Variants in PREX2 observed in about 807,000 individuals in gnomAD.
PREX2 encodes phosphatidylinositol-3,4,5-trisphosphate dependent Rac exchange factor 2, also known as phosphatidylinositol 3,4,5-trisphosphate-dependent Rac exchanger 2 protein.
PREX2 carries 107 observed loss-of-function variants against 203.2 expected under a neutral mutation model. That is an observed-to-expected ratio of 0.53 (90% confidence interval 0.45 to 0.62). The LOEUF (loss-of-function observed/expected upper bound fraction) is 0.62. PREX2 is among the 20% of genes least tolerant of loss of function. The pLI, the probability that PREX2 is intolerant of heterozygous loss-of-function variation, is 0.00. For missense variants in PREX2, 1,777 were observed against 1,955.9 expected (o/e 0.91, Z 1.72); for synonymous variants, 672 against 663.6 (o/e 1.01, Z -0.19).
chr8:68,077,624 C>T (rs1377323992), intron 15 of PREX2, among the ~76,000 whole-genome samples, 155 bp downstream of exon 15: 1 of 152,146 alleles, frequency 6.6e-6, no homozygotes, highest in Non-Finnish European at 1.5e-5. Flanking sequence ...ACCACAACTG[C>T]ATTCAGTTTT....
At position 68,019,868 on chromosome 8, in the gene PREX2, A is replaced by G. The variant is rs73683289; in HGVS notation, c.336+197A>G. Among the ~76,000 whole-genome samples, 694 of 152,306 alleles carry G rather than the reference A, an allele frequency of 4.6e-3. 4 individuals are homozygous for G. The highest frequency in any genetic ancestry group is 0.016 in the African/African-American group (674 of 41,554). ...TGCCTCACATCATCCATTTTACTGA[A>G]GAATAAACAGCCTTTTCTTTTCCCC... is the stretch of plus-strand genomic sequence containing the variant. On this transcript the variant is annotated intron_variant, in intron 3 of 39. Transcript: ENST00000288368.
At chr8:68,004,322 T>TTTA (rs1163591302) in intron 1 of PREX2, among the ~76,000 whole-genome samples, 2 of 152,252 alleles carry the variant, frequency 1.3e-5, no homozygotes, top group African/African-American at 4.8e-5. Context: ...AAATGAATAC[T>TTTA]TTATCATCTT....
At chr8:68,034,228 G>A (rs1385823655) in intron 6 of PREX2, among the ~76,000 whole-genome samples, 3 of 152,076 alleles carry the variant, frequency 2.0e-5, no homozygotes, top group Non-Finnish European at 4.4e-5. Context: ...TATAAGTTAT[G>A]CAACATTCAG....
intron 26 of PREX2, among the ~76,000 whole-genome samples, chr8:68,116,795 CT>C (rs1192863422): frequency 6.6e-6 from 1 of 152,178 alleles, no homozygotes; most frequent in Non-Finnish European, 1.5e-5. Flanking sequence ...CTAGGGATCA[CT>C]TTTCAAACAT....
intron 35 of PREX2, among the ~76,000 whole-genome samples, chr8:68,188,415 A>G (rs1311890362): frequency 6.6e-6 from 1 of 152,128 alleles, no homozygotes; most frequent in African/African-American, 2.4e-5. Context: ...AGCCAACAAA[A>G]TGGACCATTA....
intron 37 of PREX2, among the ~76,000 whole-genome samples, chr8:68,210,078 G>C (rs1190329619): frequency 6.6e-6 from 1 of 152,148 alleles, no homozygotes; most frequent in Non-Finnish European, 1.5e-5. Context: ...TAAATTCAGT[G>C]ATTTCAGTGT....
chr8:68,144,682 G>A (rs1320515843), intron 33 of PREX2, among the ~76,000 whole-genome samples: 1 of 151,982 alleles, frequency 6.6e-6, no homozygotes, highest in Non-Finnish European at 1.5e-5. Flanking sequence ...TGAGAGGAGT[G>A]GTAATGGGCT....
At chr8:68,199,241 A>G (rs1389040124) in intron 37 of PREX2, among the ~76,000 whole-genome samples, 1 of 152,230 alleles carries the variant, frequency 6.6e-6, no homozygotes, top group African/African-American at 2.4e-5. Context: ...GCCCATTACC[A>G]TTGGTAAAAC....
intron 32 of PREX2, among the ~76,000 whole-genome samples, chr8:68,138,121 C>A (rs1216340171): frequency 4.6e-5 from 7 of 151,866 alleles, no homozygotes; most frequent in Non-Finnish European, 8.8e-5. Flanking sequence ...TAAATGAAAT[C>A]AATATGATTA....
At chr8:68,220,348 G>T (rs774335578) in intron 38 of PREX2, 12 of 152,146 alleles carry the variant, frequency 7.9e-5, no homozygotes, top group African/African-American at 2.4e-4. Flanking sequence ...TAAAAGGCTT[G>T]CAGTAGAAAC....
At chr8:68,216,746 A>G (rs1812846227) in intron 37 of PREX2, among the ~76,000 whole-genome samples, 1 of 152,154 alleles carries the variant, frequency 6.6e-6, no homozygotes, top group Non-Finnish European at 1.5e-5. Flanking sequence ...TCACGAGGTC[A>G]GGAGATTGAG....
intron 11 of PREX2, among the ~76,000 whole-genome samples, chr8:68,061,104 G>T (rs1006871363): frequency 3.3e-5 from 5 of 152,206 alleles, no homozygotes; most frequent in Non-Finnish European, 7.3e-5. Flanking sequence ...GACAAGTGAT[G>T]CTGGGCATTG....
intron 32 of PREX2, among the ~76,000 whole-genome samples, chr8:68,136,377 TTC>T (rs1811113307): frequency 6.6e-6 from 1 of 152,174 alleles, no homozygotes; most frequent in South Asian, 2.1e-4. Context: ...GTCTTTCTGC[TTC>T]TGTCACAAAG....
chr8:68,192,114 T>C (rs916910533), intron 36 of PREX2, among the ~76,000 whole-genome samples: 8 of 152,216 alleles, frequency 5.3e-5, no homozygotes, highest in African/African-American at 1.9e-4. Context: ...TACTTGGCAC[T>C]GAATCCATGC....
intron 35 of PREX2, among the ~76,000 whole-genome samples, chr8:68,163,050 C>T (rs1811684447): frequency 6.6e-6 from 1 of 152,108 alleles, no homozygotes; most frequent in Non-Finnish European, 1.5e-5. Flanking sequence ...CCAAAGATTA[C>T]TAAAATCGTG....
chr8:68,171,014 T>C (rs939554190), intron 35 of PREX2, among the ~76,000 whole-genome samples: 1 of 152,202 alleles, frequency 6.6e-6, no homozygotes, highest in African/African-American at 2.4e-5. Context: ...TAGATTATTA[T>C]GTTTAGAATA....
intron 35 of PREX2, among the ~76,000 whole-genome samples, chr8:68,168,480 A>G (rs1563573038): frequency 6.6e-6 from 1 of 152,244 alleles, no homozygotes; most frequent in African/African-American, 2.4e-5. Flanking sequence ...TCTTGGAGAA[A>G]GCATTTTTAA....
intron 21 of PREX2, among the ~76,000 whole-genome samples, chr8:68,094,251 A>G (rs1204457217): frequency 2.0e-5 from 3 of 152,226 alleles, no homozygotes; most frequent in Non-Finnish European, 2.9e-5. Context: ...TTTGATTTGT[A>G]TGCATATTAA....
chr8:68,057,782 C>A (rs1160078841), intron 10 of PREX2, among the ~76,000 whole-genome samples: 2 of 152,194 alleles, frequency 1.3e-5, no homozygotes, highest in Non-Finnish European at 2.9e-5. Flanking sequence ...CACCAGGGGT[C>A]ATTTTTACCA....
Sources: gnomAD v4.1 joint callset for allele counts (sites outside exome capture counted in the v4.1 genomes callset) on GRCh38, gnomAD v4.1.1 for gene constraint, MANE v1.5 for transcripts, NCBI Gene and HGNC (gene_info 2026-07-23, HGNC 2026-07-21) for gene names.